Variants in MAZ observed in about 807,000 individuals in gnomAD.
MAZ encodes the protein MYC associated zinc finger protein.
A neutral mutation model predicts 32.7 loss-of-function variants in MAZ; 4 were observed. The ratio of observed to expected loss-of-function variants is 0.12; its 90% CI spans 0.06 to 0.28. The LOEUF is 0.28. Ranked by LOEUF, MAZ falls within the 10% of genes least tolerant of loss-of-function variation. MAZ has a pLI of 1.00. For missense variants in MAZ, 763 were observed against 667.2 expected (o/e 1.14, Z -1.58); for synonymous variants, 510 against 297.6 (o/e 1.71, Z -7.35).
At position 29,807,489 on chromosome 16, in the gene MAZ, TCCTGAGCGTGCCCCA is replaced by T; in HGVS notation, c.705_719del (p.Val238_Ser242del). On this transcript the variant is annotated inframe_deletion, in exon 2 of 5. Transcript: ENST00000322945. ...ATGCCGACCATGGTGCCCCTGAGCC[TCCTGAGCGTGCCCCA>T]GCTGAGCGGAGCCGGCGGGGGAGGG... 6.2e-7 allele frequency: 1 copy of T among 1,612,020 alleles called. No individual in the cohort carries two copies.
upstream of MAZ, chr16:29,806,128 C>A: frequency 1.2e-5 from 11 of 945,210 alleles, no homozygotes; most frequent in South Asian, 1.8e-5. Context: ...CGAGCCACCT[C>A]CCTCCCTCCC....
intron 4 of MAZ, chr16:29,809,826 G>T: frequency 1.0e-6 from 1 of 982,550 alleles, no homozygotes. Context: ...GGGGCTCAAA[G>T]GGCCCAATAG....
Position 29,808,882 on chromosome 16 carries a change from G to C in MAZ, c.1279+141G>C, listed in dbSNP as rs574916188. The C allele has an allele frequency of 7.5e-5, 54 of 724,104 alleles. No individual in the cohort carries two copies. The East Asian group carries it at 1.3e-3, about 18-fold the overall frequency. The allele number at this position is 724,104 out of a possible 1,614,324, so 44.9% of individuals were successfully genotyped here. On this transcript the variant is annotated intron_variant, in intron 4 of 4. Coordinates refer to ENST00000322945, the MANE Select transcript of MAZ (RefSeq NM_002383.4). Reference sequence around the variant, plus strand: ...CCTACAAGAGGTCAAGGGAGCAGCGGGGGGACACCTGAATGAACATCATTA... The same window carrying C: ...CCTACAAGAGGTCAAGGGAGCAGCGCGGGGACACCTGAATGAACATCATTA...
At chr16:29,808,438 C>A in intron 3 of MAZ, 132 bp from the exon 4 acceptor site, 17 of 985,132 alleles carry the variant, frequency 1.7e-5, no homozygotes, top group Non-Finnish European at 2.7e-5. Flanking sequence ...AAGGCCTCAT[C>A]ATGTCACTCC....
chr16:29,809,110 G>A, intron 4 of MAZ: 1 of 516,718 alleles, frequency 1.9e-6, no homozygotes, highest in South Asian at 2.9e-5. Flanking sequence ...GGAGTACACG[G>A]GCCGGGCTTT....
intron 4 of MAZ, 72 bp downstream of exon 4, chr16:29,808,813 A>G (rs1275319799): frequency 6.6e-7 from 1 of 1,504,564 alleles, no homozygotes; most frequent in East Asian, 2.3e-5. Flanking sequence ...TGCCACGGAT[A>G]CGGGTTAAGG....
chr16:29,806,740 CT>C lies in MAZ; in HGVS notation c.41del (p.Phe14SerfsTer15). 1.4e-6 allele frequency: 2 copies of C among 1,395,620 alleles called. No individual in the cohort carries two copies. Among genetic ancestry groups the C allele is most frequent in the Non-Finnish European group, 1.9e-6 (2 of 1,058,816 alleles). The allele number at this position is 1,395,620 out of a possible 1,614,324, so 86.5% of individuals were successfully genotyped here. ...VFPCTLLAPP[F>X]PVLGLDSRGV... The stretch of plus-strand genomic sequence containing the variant: ...TTCCTTGCACGCTGCTGGCCCCCCC[CT>C]TCCCCGTGCTGGGCCTGGACTCCCG... On this transcript the variant is annotated frameshift_variant, in exon 1 of 5. Coordinates refer to ENST00000322945, the MANE Select transcript of MAZ (RefSeq NM_002383.4). LOFTEE classifies it high-confidence loss of function.
In MAZ at chr16:29,811,070, A is replaced by G. The variant is rs374571060; in HGVS notation, c.*839A>G. ...GACAGAAGAAGTTGTGGCCCTGGCCATGTCATCGTGTTCCTGTGTCCCCTG... is the reference window on the plus strand; with the variant it reads ...GACAGAAGAAGTTGTGGCCCTGGCCGTGTCATCGTGTTCCTGTGTCCCCTG... On this transcript the variant is annotated 3_prime_UTR_variant, in exon 5 of 5. Transcript: ENST00000322945. The G allele has an allele frequency of 7.7e-5, 35 of 454,962 alleles. No homozygotes were observed. Among genetic ancestry groups the G allele is most frequent in the African/African-American group, 4.0e-4 (20 of 50,078 alleles). The allele number at this position is 454,962 out of a possible 1,614,324, so 28.2% of individuals were successfully genotyped here.
chr16:29,810,030 C>G (rs930222352), intron 4 of MAZ, 47 bp from the exon 5 acceptor site: 1 of 1,576,096 alleles, frequency 6.3e-7, no homozygotes, highest in African/African-American at 1.4e-5. Flanking sequence ...GGGCAAGGCT[C>G]TTGCCATTCA....
chr16:29,806,783 A>T lies in MAZ; in HGVS notation c.82A>T (p.Met28Leu), dbSNP rs745491852. 1.6e-5 allele frequency: 23 copies of T among 1,433,388 alleles called. No individual in the cohort carries two copies. The highest frequency in any genetic ancestry group is 2.0e-5 in the Non-Finnish European group (22 of 1,086,368). The allele number at this position is 1,433,388 out of a possible 1,614,324, so 88.8% of individuals were successfully genotyped here. The change falls in exon 1 of 5, where the codon ATG (methionine) becomes TTG (leucine). Residue 28 changes from methionine to leucine, a missense_variant. Transcript: ENST00000322945. Reference sequence around the variant, plus strand: ...GGACTCCCGGGGGGTGGGCGGCCTCATGAACTCCTTCCCGCCACCTCAGGG... The same window carrying T: ...GGACTCCCGGGGGGTGGGCGGCCTCTTGAACTCCTTCCCGCCACCTCAGGG... ...GLDSRGVGGL[M>L]NSFPPPQGHA...
chr16:29,810,131 C>T lies in MAZ; in HGVS notation c.1334C>T (p.Ala445Val), dbSNP rs376973791. Residue 445 changes from alanine (A) to valine (V), a missense_variant, in exon 5 of 5, where the codon GCA becomes GTA. By Grantham distance (64) the Ala-to-Val change is moderately conservative (BLOSUM62 0). Transcript: ENST00000322945. ...AAAAAAAAAA[A>V]AAAVAAPPTA... ...GCAGCGGCAGCGGCGGCAGCGGCAG[C>T]AGCGGCAGCAGTAGCAGCCCCTCCC... 21 of 1,609,574 alleles carry T rather than the reference C, an allele frequency of 1.3e-5. No homozygotes were observed. The highest frequency in any genetic ancestry group is 1.6e-5 in the Non-Finnish European group (19 of 1,177,922).
At chr16:29,806,155 G>A, upstream of MAZ, 1 of 1,154,966 alleles carries the variant, frequency 8.7e-7, no homozygotes, top group South Asian at 1.5e-5. Flanking sequence ...ATGGATCCCA[G>A]CAACTGGAGC....
At chr16:29,809,689 G>A in intron 4 of MAZ, 1 of 1,530,270 alleles carries the variant, frequency 6.5e-7, no homozygotes, top group Non-Finnish European at 8.8e-7. Context: ...CCATCTGGGG[G>A]GGGCCGCCCC....
chr16:29,806,499 GCCGCGGCGCT>G (rs1040561423), upstream of MAZ: 31 of 381,872 alleles, frequency 8.1e-5, no homozygotes, highest in African/African-American at 5.3e-4. Context: ...CGCCGCCGTC[GCCGCGGCGCT>G]CCGCGGCCCG....
At chr16:29,809,597 C>T (rs775134041) in intron 4 of MAZ, 4 of 1,612,184 alleles carry the variant, frequency 2.5e-6, no homozygotes, top group East Asian at 2.2e-5. Flanking sequence ...GGGCTCCAGG[C>T]CCCGCGGGCT....
At chr16:29,809,684 T>C (rs1567372636) in intron 4 of MAZ, 1 of 1,532,322 alleles carries the variant, frequency 6.5e-7, no homozygotes. Context: ...CAGACCCATC[T>C]GGGGGGGGCC....
chr16:29,807,724 G>A lies in MAZ; in HGVS notation c.939G>A (p.Gln313=), dbSNP rs1342487194. The A allele has an allele frequency of 2.5e-6, 4 of 1,612,914 alleles. No homozygotes were observed. The highest frequency in any genetic ancestry group is 2.2e-5 in the East Asian group (1 of 44,872). ...DEKPYQCPVC[Q]QRFKRKDRMS... is the part of the protein sequence containing the mutation. ...AGCCCTACCAGTGCCCGGTGTGCCAGCAGCGCTTCAAGCGCAAGGACCGCA... is the reference window on the plus strand; with the variant it reads ...AGCCCTACCAGTGCCCGGTGTGCCAACAGCGCTTCAAGCGCAAGGACCGCA... The change falls in exon 2 of 5, where the codon CAG becomes CAA. Residue 313 remains glutamine, a synonymous_variant. Transcript: ENST00000322945.
Position 29,810,266 on chromosome 16 carries a change from G to GAGT in MAZ, c.*38_*40dup, listed in dbSNP as rs1261445121. Reference sequence around the variant, plus strand: ...TGGTTGCGGGGGAGAGGGGAGAATGGAGTAGAGTCCCTTGGTACAAGCTCC... The same window carrying GAGT: ...TGGTTGCGGGGGAGAGGGGAGAATGGAGTAGTAGAGTCCCTTGGTACAAGCTCC... On this transcript the variant is annotated 3_prime_UTR_variant, in exon 5 of 5. Coordinates refer to ENST00000322945, the MANE Select transcript of MAZ (RefSeq NM_002383.4). The GAGT allele has an allele frequency of 6.5e-7, 1 of 1,549,196 alleles. No individual in the cohort carries two copies. The highest frequency in any genetic ancestry group is 8.7e-7 in the Non-Finnish European group (1 of 1,143,662).
Position 29,810,119 on chromosome 16 carries a change from C to T in MAZ, c.1322C>T (p.Ala441Val), listed in dbSNP as rs760738918. 6 of 1,608,190 alleles carry T rather than the reference C, an allele frequency of 3.7e-6. No homozygotes were observed. Among genetic ancestry groups the T allele is most frequent in the African/African-American group, 1.3e-5 (1 of 74,766 alleles). Residue 441 changes from alanine (A) to valine (V), a missense_variant, in exon 5 of 5, where the codon GCG becomes GTG. By Grantham distance (64) the Ala-to-Val change is moderately conservative. Coordinates refer to ENST00000322945, the MANE Select transcript of MAZ (RefSeq NM_002383.4). ...VCPMAAAAAA[A>V]AAAAAAAVAA... ...CCAATGGCGGCGGCAGCGGCAGCGG[C>T]GGCAGCGGCAGCAGCGGCAGCAGTA...
Sources: allele counts gnomAD v4.1 joint callset, GRCh38; gene constraint gnomAD v4.1.1; transcripts MANE v1.5; gene names NCBI Gene and HGNC (gene_info 2026-07-23, HGNC 2026-07-21).